The following FSTL4 variants were observed in gnomAD, a reference collection of about 807,000 sequenced individuals.
FSTL4 encodes follistatin-related protein 4.
Under a neutral mutation model 78.2 loss-of-function variants are expected in FSTL4, and 28 were observed. The observed-to-expected ratio is 0.36, with a 90% CI of 0.27 to 0.49. The LOEUF (loss-of-function observed/expected upper bound fraction) is 0.49, where lower values mean the gene tolerates loss of function less well. FSTL4 is among the 20% of genes least tolerant of loss of function. FSTL4 has a pLI of 0.98. For synonymous variants in FSTL4, 422 were observed against 440.5 expected (o/e 0.96, Z 0.53); for missense variants, 922 against 1,084.9 (o/e 0.85, Z 2.11).
At chr5:133,329,885 C>G (rs1000337220) in intron 4 of FSTL4, among the ~76,000 whole-genome samples, 1 of 152,180 alleles carries the variant, frequency 6.6e-6, no homozygotes, top group African/African-American at 2.4e-5. Context: ...ATTACTTGAG[C>G]CTAGAATCTA....
intron 3 of FSTL4, among the ~76,000 whole-genome samples, chr5:133,499,317 G>A (rs1489574540): frequency 6.8e-6 from 1 of 147,416 alleles, no homozygotes; most frequent in East Asian, 2.1e-4. Flanking sequence ...CTGGGTCCTG[G>A]AAGTGCCTGG....
intron 3 of FSTL4, among the ~76,000 whole-genome samples, chr5:133,413,143 T>C (rs1254698482): frequency 6.6e-6 from 1 of 152,118 alleles, no homozygotes; most frequent in Non-Finnish European, 1.5e-5. Context: ...AATCAACACT[T>C]TAACCCTCCC....
chr5:133,428,074 G>A (rs1756864830), intron 3 of FSTL4, among the ~76,000 whole-genome samples: 2 of 152,180 alleles, frequency 1.3e-5, no homozygotes, highest in Admixed American at 1.3e-4. Flanking sequence ...TACCTCAGGT[G>A]TGCTGAGTTG....
the FSTL4 span, among the ~76,000 whole-genome samples, chr5:133,704,688 T>C: frequency 6.6e-6 from 1 of 152,216 alleles, no homozygotes; most frequent in African/African-American, 2.4e-5. Flanking sequence ...CATGATAAGA[T>C]ACTGTCAGCA....
intron 3 of FSTL4, among the ~76,000 whole-genome samples, chr5:133,534,747 C>G (rs983742138): frequency 6.6e-6 from 1 of 152,130 alleles, no homozygotes; most frequent in African/African-American, 2.4e-5. Context: ...CCCCAGTTCC[C>G]TCACACGCCC....
chr5:133,599,176 A>G (rs371754547), intron 2 of FSTL4, among the ~76,000 whole-genome samples: 76 of 152,340 alleles, frequency 5.0e-4, no homozygotes, highest in African/African-American at 1.8e-3. Context: ...TGTAAAAATC[A>G]GTGCTCAGTC....
intron 3 of FSTL4, among the ~76,000 whole-genome samples, chr5:133,428,986 C>G (rs1756882664): frequency 6.6e-6 from 1 of 152,222 alleles, no homozygotes; most frequent in Admixed American, 6.5e-5. Context: ...TATTCACATG[C>G]AGGAACTTCA....
chr5:133,289,053 C>G (rs1285649421), intron 6 of FSTL4, among the ~76,000 whole-genome samples: 4 of 152,134 alleles, frequency 2.6e-5, no homozygotes, highest in East Asian at 1.9e-4. Flanking sequence ...AGAGTGTATG[C>G]CCCTCTTTCA....
intron 3 of FSTL4, among the ~76,000 whole-genome samples, chr5:133,506,671 G>A (rs890960056): frequency 6.6e-6 from 1 of 152,204 alleles, no homozygotes; most frequent in Non-Finnish European, 1.5e-5. Flanking sequence ...GTGACACAAA[G>A]TATTTCATGA....
At chr5:133,488,949 C>A (rs532093513) in intron 3 of FSTL4, among the ~76,000 whole-genome samples, 5 of 152,300 alleles carry the variant, frequency 3.3e-5, no homozygotes, top group Admixed American at 3.3e-4. Context: ...TGCTGTAGGA[C>A]CTATCCAAAA....
chr5:133,790,849 C>T, the FSTL4 span, among the ~76,000 whole-genome samples: 1 of 152,238 alleles, frequency 6.6e-6, no homozygotes, highest in South Asian at 2.1e-4. Context: ...CTAGCCCTCG[C>T]CTCTCACCTG....
At chr5:133,223,629 T>C (rs754451760) in intron 11 of FSTL4, among the ~76,000 whole-genome samples, 2 of 152,214 alleles carry the variant, frequency 1.3e-5, no homozygotes, top group Non-Finnish European at 2.9e-5. Flanking sequence ...CATATGAAAT[T>C]GTCAATCTTA....
At chr5:133,496,141 C>G (rs1378847751) in intron 3 of FSTL4, among the ~76,000 whole-genome samples, 1 of 152,194 alleles carries the variant, frequency 6.6e-6, no homozygotes, top group African/African-American at 2.4e-5. Context: ...CACTACACTC[C>G]ACAGCATGTG....
intron 3 of FSTL4, among the ~76,000 whole-genome samples, chr5:133,526,230 T>C (rs1759097293): frequency 6.6e-6 from 1 of 152,178 alleles, no homozygotes. Flanking sequence ...ATTTTTATTC[T>C]CTTCACTATA....
chr5:133,799,717 C>A, the FSTL4 span, among the ~76,000 whole-genome samples: 2 of 138,594 alleles, frequency 1.4e-5, no homozygotes, highest in Non-Finnish European at 3.2e-5. Context: ...AACGCCTCCC[C>A]CTCCTGGCCC....
the FSTL4 span, among the ~76,000 whole-genome samples, chr5:133,675,753 G>A: frequency 6.6e-6 from 1 of 152,300 alleles, no homozygotes; most frequent in African/African-American, 2.4e-5. Flanking sequence ...GGGATTCACA[G>A]TACACAAAAA....
At chr5:133,831,927 G>A in the FSTL4 span, among the ~76,000 whole-genome samples, 5 of 152,212 alleles carry the variant, frequency 3.3e-5, no homozygotes, top group African/African-American at 7.2e-5. Flanking sequence ...GGTAGGGCAC[G>A]CCTGAGCTGC....
intron 2 of FSTL4, among the ~76,000 whole-genome samples, chr5:133,590,426 T>C (rs1046347849): frequency 3.3e-5 from 5 of 152,310 alleles, no homozygotes; most frequent in African/African-American, 1.2e-4. Context: ...AGTGCATCTA[T>C]CTCATCTTGT....
intron 3 of FSTL4, among the ~76,000 whole-genome samples, chr5:133,498,253 G>A (rs1438264159): frequency 6.6e-6 from 1 of 152,092 alleles, no homozygotes; most frequent in Admixed American, 6.5e-5. Context: ...TCTCATCTCT[G>A]TCTTCAGTGA....
Sources: allele counts gnomAD v4.1 joint callset (sites outside exome capture counted in the v4.1 genomes callset), GRCh38; gene constraint gnomAD v4.1.1; transcripts MANE v1.5; gene names NCBI Gene and HGNC (gene_info 2026-07-23, HGNC 2026-07-21).